The following LPP variants were observed in gnomAD, a reference collection of about 807,000 sequenced individuals.
The protein encoded by LPP is LIM domain containing preferred translocation partner in lipoma.
Under a neutral mutation model 60.4 loss-of-function variants are expected in LPP, and 38 were observed. The observed-to-expected ratio is 0.63, with a 90% CI of 0.49 to 0.83. LPP has a LOEUF of 0.83. LPP is among the 40% of genes least tolerant of loss of function. LPP has a pLI of 0.00. For missense variants in LPP, 902 were observed against 783.6 expected (o/e 1.15, Z -1.80); for synonymous variants, 328 against 290.8 (o/e 1.13, Z -1.30).
intron 2 of LPP, among the ~76,000 whole-genome samples, chr3:188,306,124 A>T (rs1386630159): frequency 6.6e-6 from 1 of 151,838 alleles, no homozygotes; most frequent in African/African-American, 2.4e-5. Context: ...TCTTTCACCT[A>T]GGTTGGAGTG....
intron 9 of LPP, among the ~76,000 whole-genome samples, chr3:188,804,849 T>C (rs1748594228): frequency 6.6e-6 from 1 of 152,122 alleles, no homozygotes; most frequent in Non-Finnish European, 1.5e-5. Flanking sequence ...ACATGCTCTT[T>C]ATTAAGCTGA....
chr3:188,173,542 C>T (rs1392205285), intron 1 of LPP, among the ~76,000 whole-genome samples: 2 of 151,712 alleles, frequency 1.3e-5, no homozygotes, highest in Non-Finnish European at 2.9e-5. Flanking sequence ...AAAAAACCAA[C>T]CTGGGCAGCA....
At chr3:188,286,508 T>C (rs1177153925) in intron 2 of LPP, among the ~76,000 whole-genome samples, 1 of 152,188 alleles carries the variant, frequency 6.6e-6, no homozygotes, top group African/African-American at 2.4e-5. Flanking sequence ...TGGAGAACAG[T>C]ATTTTCTCTG....
chr3:188,643,884 C>T (rs1418480591), intron 7 of LPP, among the ~76,000 whole-genome samples: 1 of 152,024 alleles, frequency 6.6e-6, no homozygotes. Context: ...GAAAATAGTA[C>T]CAAGGTAGAT....
chr3:188,820,159 T>A (rs1426985699), intron 9 of LPP, among the ~76,000 whole-genome samples: 1 of 152,244 alleles, frequency 6.6e-6, no homozygotes, highest in Non-Finnish European at 1.5e-5. Context: ...TTACATTAAC[T>A]GCTGTTAGCA....
chr3:188,534,614 T>A (rs1823076065), intron 6 of LPP, among the ~76,000 whole-genome samples: 1 of 152,216 alleles, frequency 6.6e-6, no homozygotes, highest in Non-Finnish European at 1.5e-5. Flanking sequence ...TAGCTATGTT[T>A]TTTAACTCAA....
chr3:188,456,355 G>A (rs1042201050), intron 4 of LPP, among the ~76,000 whole-genome samples: 3 of 152,168 alleles, frequency 2.0e-5, no homozygotes, highest in African/African-American at 7.2e-5. Context: ...GTGCTATGGG[G>A]ACACAGCAGT....
At chr3:188,386,046 G>A (rs1196048590) in intron 3 of LPP, among the ~76,000 whole-genome samples, 1 of 151,852 alleles carries the variant, frequency 6.6e-6, no homozygotes, top group Admixed American at 6.6e-5. Context: ...AATATCACAA[G>A]GGAATGAAGA....
intron 2 of LPP, among the ~76,000 whole-genome samples, chr3:188,256,316 T>C (rs934518902): frequency 6.6e-6 from 1 of 152,218 alleles, no homozygotes; most frequent in African/African-American, 2.4e-5. Context: ...TATTACAGTT[T>C]GTTAGCTAGA....
chr3:188,644,683 T>G (rs943403553), intron 7 of LPP, among the ~76,000 whole-genome samples: 8 of 152,114 alleles, frequency 5.3e-5, no homozygotes, highest in African/African-American at 1.9e-4. Context: ...GTTTTTATAA[T>G]GTGGAAGCCA....
At chr3:188,481,209 C>A (rs1438145896) in intron 4 of LPP, among the ~76,000 whole-genome samples, 1 of 152,152 alleles carries the variant, frequency 6.6e-6, no homozygotes, top group African/African-American at 2.4e-5. Context: ...TCCAAGGGAA[C>A]CATTTCCTCT....
chr3:188,458,075 C>G (rs1362485383), intron 4 of LPP, among the ~76,000 whole-genome samples: 1 of 152,140 alleles, frequency 6.6e-6, no homozygotes, highest in Non-Finnish European at 1.5e-5. Flanking sequence ...ATTGTACTCA[C>G]ACAGTTACCT....
chr3:188,713,007 A>C (rs190767180), intron 8 of LPP, among the ~76,000 whole-genome samples: 30 of 152,306 alleles, frequency 2.0e-4, no homozygotes, highest in Admixed American at 1.4e-3. Flanking sequence ...GTATGCTTAA[A>C]AGTACTGGGA....
At chr3:188,173,777 G>C (rs1398455009) in intron 1 of LPP, among the ~76,000 whole-genome samples, 1 of 152,156 alleles carries the variant, frequency 6.6e-6, no homozygotes, top group Non-Finnish European at 1.5e-5. Context: ...GCCCCCAAAA[G>C]TGAAGTGACA....
intron 4 of LPP, among the ~76,000 whole-genome samples, chr3:188,453,964 T>C (rs912376097): frequency 6.6e-6 from 1 of 152,222 alleles, no homozygotes; most frequent in Non-Finnish European, 1.5e-5. Context: ...CATATATGTC[T>C]ATCTTATGTA....
intron 7 of LPP, among the ~76,000 whole-genome samples, chr3:188,658,693 T>C (rs73196720): frequency 0.02 from 3,026 of 152,320 alleles, 52 homozygotes; most frequent in Middle Eastern, 0.044. Flanking sequence ...TTTGACTGTT[T>C]AGAGCTTCCT....
intron 4 of LPP, among the ~76,000 whole-genome samples, chr3:188,475,458 A>C (rs1420471669): frequency 6.6e-6 from 1 of 152,234 alleles, no homozygotes; most frequent in Non-Finnish European, 1.5e-5. Context: ...CACTTATTGT[A>C]TAATAATTAA....
Position 188,183,970 on chromosome 3 carries a change from A to T in LPP, c.-190+29718A>T, listed in dbSNP as rs528710870. ...AGTGTGTAAGGACCTATGGTAGCAGATGTCAAAAATGGAGTGGACTGTATC... is the reference window on the plus strand; with the variant it reads ...AGTGTGTAAGGACCTATGGTAGCAGTTGTCAAAAATGGAGTGGACTGTATC... On this transcript the variant is annotated intron_variant, in intron 1 of 11. Transcript: ENST00000617246. Among the ~76,000 whole-genome samples, 23 of 152,292 alleles carry T rather than the reference A, an allele frequency of 1.5e-4. 1 individual carries two copies. In the South Asian group the frequency reaches 4.6e-3, roughly 30 times the overall value.
At chr3:188,163,159 C>T (rs1297088145) in intron 1 of LPP, among the ~76,000 whole-genome samples, 2 of 152,132 alleles carry the variant, frequency 1.3e-5, no homozygotes, top group African/African-American at 4.8e-5. Flanking sequence ...CGTGGAGGGT[C>T]TGCTTCTACT....
Sources: gnomAD v4.1 joint callset for allele counts (sites outside exome capture counted in the v4.1 genomes callset) on GRCh38, gnomAD v4.1.1 for gene constraint, MANE v1.5 for transcripts, NCBI Gene and HGNC (gene_info 2026-07-23, HGNC 2026-07-21) for gene names.